The following CRPPA variants were observed in gnomAD, a reference collection of about 807,000 sequenced individuals.
CRPPA encodes CDP-L-ribitol pyrophosphorylase A.
Under a neutral mutation model 52.0 loss-of-function variants are expected in CRPPA, and 43 were observed. The ratio of observed to expected loss-of-function variants is 0.83; its 90% confidence interval spans 0.65 to 1.07. The LOEUF is 1.07. CRPPA is among the 50% of genes least tolerant of loss of function. The pLI is 0.00. For missense variants in CRPPA, 629 were observed against 551.7 expected (o/e 1.14, Z -1.40); for synonymous variants, 250 against 203.5 (o/e 1.23, Z -1.94).
At chr7:16,236,716 G>GT (rs956290766) in intron 8 of CRPPA, among the ~76,000 whole-genome samples, 1 of 151,758 alleles carries the variant, frequency 6.6e-6, no homozygotes, top group Non-Finnish European at 1.5e-5. Flanking sequence ...AATAGAAAAG[G>GT]TTTTTTTCTG....
intron 8 of CRPPA, among the ~76,000 whole-genome samples, chr7:16,230,195 A>T (rs1234837146): frequency 1.5e-4 from 23 of 152,138 alleles, no homozygotes; most frequent in Admixed American, 1.4e-3. Context: ...CCAAAATTAA[A>T]AACAATTGTT....
At chr7:16,206,305 T>G (rs1256180581) in intron 9 of CRPPA, among the ~76,000 whole-genome samples, 1 of 152,150 alleles carries the variant, frequency 6.6e-6, no homozygotes, top group Non-Finnish European at 1.5e-5. Context: ...GTCCATATTT[T>G]AATACATTTT....
At chr7:16,325,843 A>G (rs537951738) in intron 3 of CRPPA, among the ~76,000 whole-genome samples, 7 of 152,196 alleles carry the variant, frequency 4.6e-5, no homozygotes, top group Admixed American at 2.0e-4. Flanking sequence ...GGAATCCACC[A>G]CCACACAACT....
intron 2 of CRPPA, among the ~76,000 whole-genome samples, chr7:16,387,073 A>ATACACATATATATATATATG (rs1562671585): frequency 1.5e-5 from 1 of 65,096 alleles, no homozygotes; most frequent in African/African-American, 8.6e-5. Context: ...ATATATATAT[A>ATACACATATATATATATATG]TATATATATA....
intron 9 of CRPPA, among the ~76,000 whole-genome samples, chr7:16,149,762 G>C (rs1168556830): frequency 2.0e-5 from 3 of 152,136 alleles, no homozygotes; most frequent in African/African-American, 7.2e-5. Flanking sequence ...GAGGCGAGCA[G>C]ACTGCCTAAG....
intron 9 of CRPPA, among the ~76,000 whole-genome samples, chr7:16,116,615 T>C (rs191167334): frequency 4.4e-5 from 6 of 135,146 alleles, no homozygotes; most frequent in African/African-American, 1.4e-4. Context: ...TGAGCCAAGA[T>C]TGCACCACTG....
At chr7:16,257,184 C>G (rs966090090) in intron 8 of CRPPA, among the ~76,000 whole-genome samples, 3 of 152,048 alleles carry the variant, frequency 2.0e-5, no homozygotes, top group African/African-American at 4.8e-5. Context: ...AGTAACTAGA[C>G]CAAGAAACAA....
intron 9 of CRPPA, among the ~76,000 whole-genome samples, chr7:16,153,452 C>T (rs977864450): frequency 5.9e-5 from 9 of 151,980 alleles, no homozygotes; most frequent in African/African-American, 1.2e-4. Context: ...TACAATATTA[C>T]CTTTTAGAGA....
intron 9 of CRPPA, among the ~76,000 whole-genome samples, chr7:16,190,135 A>G (rs772019090): frequency 6.6e-6 from 1 of 152,210 alleles, no homozygotes; most frequent in Non-Finnish European, 1.5e-5. Flanking sequence ...AAATTCATCC[A>G]GATTTACAAG....
intron 9 of CRPPA, among the ~76,000 whole-genome samples, chr7:16,125,682 T>A (rs563970105): frequency 7.4e-4 from 112 of 152,292 alleles, no homozygotes; most frequent in African/African-American, 2.6e-3. Flanking sequence ...CAATTATTTT[T>A]TAATTGTATG....
At chr7:16,382,397 C>A (rs887986253) in intron 2 of CRPPA, among the ~76,000 whole-genome samples, 2 of 152,192 alleles carry the variant, frequency 1.3e-5, no homozygotes, top group Admixed American at 6.5e-5. Context: ...GCGGGTAACC[C>A]AACCTTTCTC....
At chr7:16,229,564 T>C (rs767846481) in intron 8 of CRPPA, among the ~76,000 whole-genome samples, 1 of 152,078 alleles carries the variant, frequency 6.6e-6, no homozygotes, top group Non-Finnish European at 1.5e-5. Context: ...CACTCCTCCA[T>C]ATTTAGTATT....
chr7:16,297,826 T>C (rs1202049376), intron 5 of CRPPA, among the ~76,000 whole-genome samples: 1 of 152,192 alleles, frequency 6.6e-6, no homozygotes, highest in Non-Finnish European at 1.5e-5. Context: ...TACCACTGGC[T>C]TTCCTGGGCC....
At chr7:16,101,593 A>G (rs894170301) in intron 9 of CRPPA, among the ~76,000 whole-genome samples, 1 of 152,030 alleles carries the variant, frequency 6.6e-6, no homozygotes, top group Admixed American at 6.6e-5. Flanking sequence ...AATCTTTTAA[A>G]AAAAAAACAG....
chr7:16,273,244 T>C (rs1784129156), intron 6 of CRPPA, among the ~76,000 whole-genome samples: 1 of 151,836 alleles, frequency 6.6e-6, no homozygotes, highest in South Asian at 2.1e-4. Flanking sequence ...CTGGGTACTG[T>C]GGCCCAAAGT....
In CRPPA at chr7:16,089,419, ACATACATATATGTGTATATATGTACGTG is replaced by A. The variant is rs1380211699; in HGVS notation, c.*2248_*2275del. 5.1e-4 allele frequency: 173 copies of A among 339,486 alleles called. No individual in the cohort carries two copies. The highest frequency in any genetic ancestry group is 9.4e-4 in the Middle Eastern group (1 of 1,062). The allele number at this position is 339,486 out of a possible 1,614,324, so 21.0% of individuals were successfully genotyped here. On this transcript the variant is annotated 3_prime_UTR_variant, in exon 10 of 10. Coordinates refer to ENST00000407010, the MANE Select transcript of CRPPA (RefSeq NM_001101426.4). ...GTACATAATGTGTATATATGTACGT[ACATACATATATGTGTATATATGTACGTG>A]CATACATATATGTGTATATATGTAC...
At chr7:16,138,955 C>A (rs770051664) in intron 9 of CRPPA, among the ~76,000 whole-genome samples, 20 of 152,120 alleles carry the variant, frequency 1.3e-4, no homozygotes, top group Non-Finnish European at 5.9e-5. Flanking sequence ...GTGCCCGCCA[C>A]CACACCCAGC....
chr7:16,349,422 C>T (rs905684271), intron 3 of CRPPA, among the ~76,000 whole-genome samples: 1 of 152,012 alleles, frequency 6.6e-6, no homozygotes, highest in African/African-American at 2.4e-5. Context: ...AATATACGTT[C>T]CAAATAACAG....
At chr7:16,151,756 ATTATT>A (rs1317196829) in intron 9 of CRPPA, among the ~76,000 whole-genome samples, 1 of 152,028 alleles carries the variant, frequency 6.6e-6, no homozygotes, top group East Asian at 1.9e-4. Context: ...TATTAGTTAG[ATTATT>A]TTATAAGACT....
Sources: gnomAD v4.1 joint callset for allele counts (sites outside exome capture counted in the v4.1 genomes callset) on GRCh38, gnomAD v4.1.1 for gene constraint, MANE v1.5 for transcripts, NCBI Gene and HGNC (gene_info 2026-07-23, HGNC 2026-07-21) for gene names.